NPAS3: variants seen among roughly 807,000 people sequenced by gnomAD.
NPAS3 encodes the protein neuronal PAS domain protein 3.
In NPAS3, 14 loss-of-function variants were observed where a neutral mutation model predicts 73.1. That is an observed-to-expected ratio of 0.19 (90% confidence interval 0.13 to 0.30). The LOEUF (loss-of-function observed/expected upper bound fraction) is 0.30, where lower values mean the gene tolerates loss of function less well. Ranked by LOEUF, NPAS3 falls within the 10% of genes least tolerant of loss-of-function variation. The pLI, the probability that NPAS3 is intolerant of heterozygous loss-of-function variation, is 1.00. For synonymous variants in NPAS3, 620 were observed against 541.5 expected, an observed-to-expected ratio of 1.14 and a Z score of -2.01; for missense variants, 1,096 against 1,250.0, an observed-to-expected ratio of 0.88 and a Z score of 1.86.
At chr14:33,391,741 C>A (rs2047015737) in intron 4 of NPAS3, among the ~76,000 whole-genome samples, 2 of 152,012 alleles carry the variant, frequency 1.3e-5, no homozygotes, top group Non-Finnish European at 2.9e-5. Flanking sequence ...ATGGTAATAA[C>A]CTTGTAGTTA....
intron 2 of NPAS3, among the ~76,000 whole-genome samples, chr14:33,147,008 T>A (rs2139212671): frequency 6.6e-6 from 1 of 152,348 alleles, no homozygotes; most frequent in African/African-American, 2.4e-5. Context: ...AAATAATCAC[T>A]TCCTAATTTA....
intron 4 of NPAS3, among the ~76,000 whole-genome samples, chr14:33,497,991 A>T (rs1239980986): frequency 6.6e-6 from 1 of 152,160 alleles, no homozygotes; most frequent in Admixed American, 6.5e-5. Context: ...ATTTAAACAA[A>T]TTTACAAGAA....
Position 33,054,211 on chromosome 14 carries a change from G to T in NPAS3, c.51-1694G>T, listed in dbSNP as rs537678623. 2.6e-5 allele frequency among the ~76,000 whole-genome samples: 4 copies of T among 152,182 alleles called. No homozygotes were observed. In the South Asian group the frequency reaches 8.3e-4, roughly 32 times the overall value. ...TTATATCTCTTGCTTTCTTGTAACA[G>T]TTTTACAATAAAATGCCACATGGGT... On this transcript the variant is annotated intron_variant, in intron 1 of 11. Transcript: ENST00000356141.
chr14:33,034,240 T>C (rs2040089748), intron 1 of NPAS3, among the ~76,000 whole-genome samples: 1 of 152,016 alleles, frequency 6.6e-6, no homozygotes, highest in Non-Finnish European at 1.5e-5. Context: ...ACAATATGTT[T>C]CTAAAGTAGG....
At chr14:32,999,166 A>G (rs1238269471) in intron 1 of NPAS3, among the ~76,000 whole-genome samples, 1 of 152,118 alleles carries the variant, frequency 6.6e-6, no homozygotes, top group African/African-American at 2.4e-5. Context: ...TCTTTTCTAT[A>G]TCTTGATTTA....
chr14:33,019,470 G>A (rs967930922), intron 1 of NPAS3, among the ~76,000 whole-genome samples: 1 of 152,070 alleles, frequency 6.6e-6, no homozygotes, highest in African/African-American at 2.4e-5. Flanking sequence ...CTTTCTGACA[G>A]TAGCCTATGG....
At chr14:33,437,287 G>A (rs920202020) in intron 4 of NPAS3, among the ~76,000 whole-genome samples, 1 of 152,164 alleles carries the variant, frequency 6.6e-6, no homozygotes, top group African/African-American at 2.4e-5. Flanking sequence ...CACAGAGATG[G>A]TGATTTCTAA....
At chr14:33,679,050 C>T (rs12586648) in intron 6 of NPAS3, among the ~76,000 whole-genome samples, 23,525 of 152,094 alleles carry the variant, frequency 0.15, 2,317 homozygotes, top group East Asian at 0.42. Context: ...AAAGATACTA[C>T]AAATTTACTT....
chr14:33,261,301 T>TAAAA (rs34511636), intron 3 of NPAS3, among the ~76,000 whole-genome samples: 1 of 148,602 alleles, frequency 6.7e-6, no homozygotes. Context: ...AGCTTTTATT[T>TAAAA]AAAAAAAAAA....
At chr14:33,177,350 C>T (rs1287802895) in intron 2 of NPAS3, among the ~76,000 whole-genome samples, 1 of 151,922 alleles carries the variant, frequency 6.6e-6, no homozygotes, top group African/African-American at 2.4e-5. Context: ...CCTGCCTCGG[C>T]CTCCCAAAGA....
chr14:33,328,000 C>T (rs76083440), intron 3 of NPAS3, among the ~76,000 whole-genome samples: 3,387 of 152,212 alleles, frequency 0.022, 53 homozygotes, highest in South Asian at 0.051. Context: ...ATTATAGCAG[C>T]TTTTAAATTT....
intron 3 of NPAS3, among the ~76,000 whole-genome samples, chr14:33,267,556 T>A (rs1290476212): frequency 6.6e-6 from 1 of 152,216 alleles, no homozygotes; most frequent in Non-Finnish European, 1.5e-5. Context: ...TTAAGCTTTT[T>A]TCCCCTATAT....
chr14:32,938,493 G>C (rs1168679646), upstream of NPAS3, among the ~76,000 whole-genome samples: 1 of 102,962 alleles, frequency 9.7e-6, no homozygotes, highest in South Asian at 3.5e-4. Flanking sequence ...AATTGAGAGA[G>C]AGAGAGAGAG....
chr14:33,663,019 T>A (rs1037085692), intron 5 of NPAS3, among the ~76,000 whole-genome samples: 38 of 152,062 alleles, frequency 2.5e-4, no homozygotes, highest in African/African-American at 8.7e-4. Flanking sequence ...TCATGTCATC[T>A]GCAAACAGAC....
chr14:33,462,803 A>G (rs994597499), intron 4 of NPAS3, among the ~76,000 whole-genome samples: 3 of 152,196 alleles, frequency 2.0e-5, no homozygotes, highest in African/African-American at 4.8e-5. Context: ...GTGTGACCTT[A>G]TGCTAGTTGC....
chr14:33,435,141 T>C (rs1358093406), intron 4 of NPAS3, among the ~76,000 whole-genome samples: 1 of 152,218 alleles, frequency 6.6e-6, no homozygotes, highest in African/African-American at 2.4e-5. Flanking sequence ...CAAACACATC[T>C]ACAAAACATT....
intron 5 of NPAS3, among the ~76,000 whole-genome samples, chr14:33,562,494 T>A (rs1045009629): frequency 6.6e-6 from 1 of 152,196 alleles, no homozygotes; most frequent in Middle Eastern, 3.2e-3. Context: ...GACATGGGCC[T>A]TCATTTGGCA....
At chr14:32,966,832 G>C (rs536153184) in intron 1 of NPAS3, among the ~76,000 whole-genome samples, 2 of 151,504 alleles carry the variant, frequency 1.3e-5, no homozygotes. Context: ...ATGAGAAAGC[G>C]TAGGGGAAAC....
At chr14:33,522,224 C>T (rs559271526) in intron 4 of NPAS3, among the ~76,000 whole-genome samples, 33 of 152,180 alleles carry the variant, frequency 2.2e-4, no homozygotes, top group African/African-American at 7.9e-4. Flanking sequence ...TCACGTGACA[C>T]GTGATATCAT....
Sources: gnomAD v4.1 joint callset for allele counts (sites outside exome capture counted in the v4.1 genomes callset) on GRCh38, gnomAD v4.1.1 for gene constraint, MANE v1.5 for transcripts, NCBI Gene and HGNC (gene_info 2026-07-23, HGNC 2026-07-21) for gene names.